Variants in CATSPERE observed in about 807,000 individuals in gnomAD.
CATSPERE encodes catsper channel auxiliary subunit epsilon.
A neutral mutation model predicts 114.1 loss-of-function variants in CATSPERE; 93 were observed. The observed-to-expected ratio is 0.81, with a 90% CI of 0.69 to 0.97. CATSPERE has a LOEUF of 0.97. Ranked by LOEUF, CATSPERE falls within the 50% of genes least tolerant of loss-of-function variation. CATSPERE has a pLI of 0.00. For missense variants in CATSPERE, 1,058 were observed against 1,131.6 expected, an observed-to-expected ratio of 0.93 and a Z score of 0.93; for synonymous variants, 341 against 384.1, an observed-to-expected ratio of 0.89 and a Z score of 1.31.
chr1:244,582,755 G>A (rs1666375201), intron 12 of CATSPERE, among the ~76,000 whole-genome samples: 1 of 152,074 alleles, frequency 6.6e-6, no homozygotes, highest in African/African-American at 2.4e-5. Context: ...TTGACTACCT[G>A]CTCTATGCCA....
chr1:244,574,682 C>G (rs1664973569), intron 11 of CATSPERE, among the ~76,000 whole-genome samples: 1 of 152,112 alleles, frequency 6.6e-6, no homozygotes, highest in Non-Finnish European at 1.5e-5. Context: ...GCAGAGTGTT[C>G]AGTAAATGTC....
chr1:244,516,473 G>A (rs1483148897), intron 7 of CATSPERE, among the ~76,000 whole-genome samples: 1 of 151,832 alleles, frequency 6.6e-6, no homozygotes, highest in African/African-American at 2.4e-5. Flanking sequence ...TCAGCCTCCT[G>A]AGTAGCTGGG....
rs112165980 is a variant in CATSPERE, at chr1:244,575,289, G to A, written c.1950+2517G>A. ...GGCAGGTGCCTGCCGTAAGTTGTAC[G>A]ATCATGCTCTTTCACCTCCTCTGCT... On this transcript the variant is annotated intron_variant, in intron 11 of 21. Coordinates refer to ENST00000366534, the MANE Select transcript of CATSPERE (RefSeq NM_001130957.2). This position sits in a 1 kb window ranked among gnomAD's most constrained non-coding sequence, Gnocchi z 4.5. Among the ~76,000 whole-genome samples, 44 of 152,332 alleles carry A rather than the reference G, an allele frequency of 2.9e-4. No homozygotes were observed. Among genetic ancestry groups the A allele is most frequent in the African/African-American group, 9.6e-4 (40 of 41,586 alleles).
upstream of CATSPERE, among the ~76,000 whole-genome samples, chr1:244,456,623 G>C (rs1419866504): frequency 6.6e-6 from 1 of 152,144 alleles, no homozygotes; most frequent in African/African-American, 2.4e-5. Flanking sequence ...ATTAAGATCA[G>C]ATATCAGATT....
At chr1:244,530,930 C>G (rs1679479070) in intron 8 of CATSPERE, among the ~76,000 whole-genome samples, 1 of 151,756 alleles carries the variant, frequency 6.6e-6, no homozygotes, top group Admixed American at 6.6e-5. Context: ...TATGTTTTTC[C>G]AAATATAAGA....
chr1:244,497,450 A>G (rs925121585), intron 6 of CATSPERE, among the ~76,000 whole-genome samples: 2 of 152,228 alleles, frequency 1.3e-5, no homozygotes, highest in African/African-American at 4.8e-5. Context: ...ACTTGAACAT[A>G]TGGAAAGTTG....
At chr1:244,539,145 C>G (rs1198083813) in intron 8 of CATSPERE, among the ~76,000 whole-genome samples, 1 of 152,096 alleles carries the variant, frequency 6.6e-6, no homozygotes, top group Non-Finnish European at 1.5e-5. Context: ...GAGATACGTC[C>G]CATCAATACC....
chr1:244,508,527 C>A (rs572270467), intron 7 of CATSPERE, among the ~76,000 whole-genome samples: 6 of 151,572 alleles, frequency 4.0e-5, no homozygotes, highest in Middle Eastern at 6.8e-3. Context: ...GGTCTCAATA[C>A]CCTGACCTTG....
intron 6 of CATSPERE, among the ~76,000 whole-genome samples, chr1:244,498,587 A>G (rs1673484293): frequency 6.6e-6 from 1 of 152,184 alleles, no homozygotes; most frequent in African/African-American, 2.4e-5. Flanking sequence ...TGAGGTTGTC[A>G]TGTCTATTTA....
At chr1:244,559,209 T>G (rs1486585458) in intron 9 of CATSPERE, among the ~76,000 whole-genome samples, 3 of 152,194 alleles carry the variant, frequency 2.0e-5, no homozygotes, top group African/African-American at 7.2e-5. Flanking sequence ...TGGCTGTGGG[T>G]TTCTTCTATA....
intron 8 of CATSPERE, among the ~76,000 whole-genome samples, chr1:244,532,884 G>A (rs1679828838): frequency 1.3e-5 from 2 of 152,108 alleles, no homozygotes; most frequent in African/African-American, 4.8e-5. Context: ...TTGGTCTGTA[G>A]TGGAGATTAA....
At chr1:244,496,680 T>C (rs370080236) in intron 6 of CATSPERE, among the ~76,000 whole-genome samples, 5 of 152,314 alleles carry the variant, frequency 3.3e-5, no homozygotes, top group Admixed American at 6.5e-5. Flanking sequence ...AATTTATAAA[T>C]GCAATGCCAT....
In CATSPERE at chr1:244,485,180, CTTTTTTT is replaced by C. The variant is rs113615938; in HGVS notation, c.327-5264_327-5258del. ...AATTCACATTGTCTTTTTTCTTTTT[CTTTTTTT>C]TTCTTTTTTTTTGAGACAGAGTCTC... On this transcript the variant is annotated intron_variant, in intron 5 of 21. Transcript: ENST00000366534. Among the ~76,000 whole-genome samples, 14 of 150,126 alleles carry C rather than the reference CTTTTTTT, an allele frequency of 9.3e-5. No homozygotes were observed. The South Asian group carries it at 2.7e-3, about 29-fold the overall frequency.
At chr1:244,542,377 C>T (rs150651284) in intron 8 of CATSPERE, among the ~76,000 whole-genome samples, 196 of 152,086 alleles carry the variant, frequency 1.3e-3, no homozygotes, top group African/African-American at 4.1e-3. Flanking sequence ...GTTTGTTACA[C>T]GGATATATTG....
intron 8 of CATSPERE, among the ~76,000 whole-genome samples, chr1:244,526,093 G>T (rs544115929): frequency 6.6e-6 from 1 of 152,300 alleles, no homozygotes; most frequent in East Asian, 1.9e-4. Context: ...ACGTAGCAAA[G>T]AGGACCTTTT....
rs749801424 is a variant in CATSPERE, at chr1:244,528,785, C to CCACACACGCGCA, written c.536+10094_536+10095insGCGCACACACAC. Among the ~76,000 whole-genome samples the CCACACACGCGCA allele has an allele frequency of 1.3e-3, 176 of 130,584 alleles. 5 individuals carry two copies. Among genetic ancestry groups the CCACACACGCGCA allele is most frequent in the African/African-American group, 5.1e-3 (173 of 33,914 alleles). The allele number at this position is 130,584 out of a possible 152,430, so 85.7% of individuals were successfully genotyped here. A position where few individuals can be genotyped will look rare whatever the true frequency, so the allele number is the denominator to read the frequency against. On this transcript the variant is annotated intron_variant, in intron 8 of 21. Transcript: ENST00000366534. ...TACTCTCCCCCACAACAATCCCCCA[C>CCACACACGCGCA]CACACACACACACACACACACACAC...
intron 20 of CATSPERE, among the ~76,000 whole-genome samples, chr1:244,620,232 T>G (rs1247041103): frequency 6.6e-6 from 1 of 152,230 alleles, no homozygotes; most frequent in East Asian, 1.9e-4. Flanking sequence ...TCGCTGTTTC[T>G]TTCATTTTGT....
At position 244,461,424 on chromosome 1, in the gene CATSPERE, G is replaced by A. The variant is rs1255808004; in HGVS notation, c.-6G>A. 4 of 1,375,810 alleles carry A rather than the reference G, an allele frequency of 2.9e-6. No individual in the cohort carries two copies. The highest frequency in any genetic ancestry group is 3.8e-6 in the Non-Finnish European group (4 of 1,054,554). 85.2% of individuals were successfully genotyped at this position (1,375,810 alleles called of 1,614,324 possible). A position where few individuals can be genotyped will look rare whatever the true frequency, so the allele number is the denominator to read the frequency against. On this transcript the variant is annotated 5_prime_UTR_variant, in exon 1 of 22. Transcript: ENST00000366534. ...GAGGCGGTTGGGCGGAGGCGGAGCA[G>A]GCGCCATGTCAGCCCGGGAAGTGGC...
chr1:244,507,378 A>G (rs759434569), intron 7 of CATSPERE, among the ~76,000 whole-genome samples: 28 of 152,278 alleles, frequency 1.8e-4, no homozygotes, highest in Non-Finnish European at 3.7e-4. Context: ...TACCAACAGC[A>G]TATGAGGTTA....
Sources: allele counts gnomAD v4.1 joint callset (sites outside exome capture counted in the v4.1 genomes callset), GRCh38; gene constraint gnomAD v4.1.1; non-coding constraint Gnocchi (gnomAD v3.1); transcripts MANE v1.5; gene names NCBI Gene and HGNC (gene_info 2026-07-23, HGNC 2026-07-21).